The following PRMT8 variants were observed in gnomAD, a reference collection of about 807,000 sequenced individuals.
PRMT8 encodes the protein protein arginine N-methyltransferase 8.
In PRMT8, 7 loss-of-function variants were observed where a neutral mutation model predicts 47.1. The ratio of observed to expected loss-of-function variants is 0.15; its 90% CI spans 0.08 to 0.28. PRMT8 has a LOEUF of 0.28. PRMT8 is among the 10% of genes least tolerant of loss of function. The pLI, the probability that PRMT8 is intolerant of heterozygous loss-of-function variation, is 1.00. For synonymous variants in PRMT8, 188 were observed against 186.5 expected (o/e 1.01, Z -0.07); for missense variants, 237 against 505.4 (o/e 0.47, Z 5.09).
chr12:3,466,442 T>C (rs890422121), intron 1 of PRMT8, among the ~76,000 whole-genome samples: 6 of 152,158 alleles, frequency 3.9e-5, no homozygotes, highest in African/African-American at 1.4e-4. Flanking sequence ...GTTAGTAGTG[T>C]GAATCTGGGC....
chr12:3,568,347 T>TAA (rs34278124), intron 4 of PRMT8, among the ~76,000 whole-genome samples: 10 of 146,678 alleles, frequency 6.8e-5, no homozygotes, highest in African/African-American at 2.5e-4. Flanking sequence ...TTGGTGTAAA[T>TAA]AAAAAAAAAA....
upstream of PRMT8, among the ~76,000 whole-genome samples, chr12:3,489,366 C>T (rs1179280607): frequency 6.6e-6 from 1 of 151,832 alleles, no homozygotes; most frequent in African/African-American, 2.4e-5. Context: ...TGGGTGGGGG[C>T]AGAGTGTCGG....
At chr12:3,474,894 T>G (rs1865195389) in intron 1 of PRMT8, among the ~76,000 whole-genome samples, 2 of 152,212 alleles carry the variant, frequency 1.3e-5, no homozygotes, top group African/African-American at 4.8e-5. Flanking sequence ...ATTTGCTGGA[T>G]GGACAAACAA....
intron 2 of PRMT8, among the ~76,000 whole-genome samples, chr12:3,543,765 C>G (rs1866275761): frequency 6.6e-6 from 1 of 152,194 alleles, no homozygotes; most frequent in African/African-American, 2.4e-5. Flanking sequence ...GAGGAAGACC[C>G]TAGCCTTCCA....
chr12:3,469,230 C>G, intron 1 of PRMT8: 1 of 454,998 alleles, frequency 2.2e-6, no homozygotes, highest in South Asian at 1.7e-5. Context: ...CCAGCAAGGA[C>G]CAAACACCCC....
At chr12:3,404,683 T>C (rs1009497577) in intron 1 of PRMT8, among the ~76,000 whole-genome samples, 1 of 152,234 alleles carries the variant, frequency 6.6e-6, no homozygotes, top group Non-Finnish European at 1.5e-5. Flanking sequence ...GTTGTTCGGT[T>C]CTTCCCTTTC....
chr12:3,432,419 T>C (rs1864691411), intron 1 of PRMT8, among the ~76,000 whole-genome samples: 1 of 152,178 alleles, frequency 6.6e-6, no homozygotes, highest in Admixed American at 6.5e-5. Flanking sequence ...ATGGAAACAC[T>C]TTGAAATAAT....
At chr12:3,553,630 T>A in intron 3 of PRMT8, 21 bp from the exon 4 acceptor site, 1 of 1,586,520 alleles carries the variant, frequency 6.3e-7, no homozygotes, top group Non-Finnish European at 8.7e-7. Context: ...GCCTTGCTCC[T>A]TTGTCCTATG....
chr12:3,505,385 A>C (rs1053248551), intron 1 of PRMT8, among the ~76,000 whole-genome samples: 1 of 152,208 alleles, frequency 6.6e-6, no homozygotes, highest in Admixed American at 6.5e-5. Flanking sequence ...AATAGTTGCA[A>C]GTCCGAGAAA....
chr12:3,424,832 C>T (rs1210133668), intron 1 of PRMT8, among the ~76,000 whole-genome samples: 1 of 152,148 alleles, frequency 6.6e-6, no homozygotes, highest in Non-Finnish European at 1.5e-5. Flanking sequence ...GGGAACAGTC[C>T]TAGATCAGTT....
intron 1 of PRMT8, among the ~76,000 whole-genome samples, chr12:3,459,520 C>T (rs958481167): frequency 2.6e-5 from 4 of 152,202 alleles, no homozygotes; most frequent in African/African-American, 9.7e-5. Flanking sequence ...GATTTTTTCT[C>T]TTACACCATC....
chr12:3,547,828 A>G lies in PRMT8; in HGVS notation c.262-2108A>G, dbSNP rs1240090878. The stretch of plus-strand genomic sequence containing the variant: ...TAAAACTCAAAATTGCTAAAATGTC[A>G]GTTCTCCCCAAATTGATCTATAGAT... On this transcript the variant is annotated intron_variant, in intron 2 of 9. Transcript: ENST00000382622. Among the ~76,000 whole-genome samples, 3 of 152,368 alleles carry G rather than the reference A, an allele frequency of 2.0e-5. No individual in the cohort carries two copies. In the East Asian group the frequency reaches 5.8e-4, roughly 29 times the overall value.
intron 1 of PRMT8, among the ~76,000 whole-genome samples, chr12:3,392,275 T>C (rs1028842218): frequency 2.0e-5 from 3 of 152,036 alleles, no homozygotes; most frequent in Non-Finnish European, 4.4e-5. Context: ...GTTAGTTACA[T>C]ATGTATACAT....
At chr12:3,414,336 G>A (rs867720133) in intron 1 of PRMT8, among the ~76,000 whole-genome samples, 6 of 152,304 alleles carry the variant, frequency 3.9e-5, no homozygotes, top group Admixed American at 1.3e-4. Context: ...CCATCGACAA[G>A]CAAGCCATCC....
rs1236934774 is a variant in PRMT8, at chr12:3,593,401, C to T, written c.*219C>T. The T allele has an allele frequency of 5.6e-6, 3 of 535,526 alleles. No individual in the cohort carries two copies. The highest frequency in any genetic ancestry group is 9.8e-6 in the Non-Finnish European group (3 of 305,160). The allele number at this position is 535,526 out of a possible 1,614,324, so 33.2% of individuals were successfully genotyped here. On this transcript the variant is annotated 3_prime_UTR_variant, in exon 10 of 10. Transcript: ENST00000382622. The surrounding 1 kb of genome is among the most constrained non-coding windows in gnomAD (Gnocchi z 4.8). ...CTGCCCTGGTAGCCCTTCACGAAGG[C>T]TTTGTGTTGCCAACAAAGAGCGACC...
rs1156736625 is a variant in PRMT8 at position 3,564,026 on chromosome 12, CT to C, written c.482-4679del. Among the ~76,000 whole-genome samples the C allele has an allele frequency of 1.3e-5, 2 of 151,974 alleles. No individual in the cohort carries two copies. The highest frequency in any genetic ancestry group is 2.9e-5 in the Non-Finnish European group (2 of 68,010). On this transcript the variant is annotated intron_variant, in intron 4 of 9. Coordinates refer to ENST00000382622, the MANE Select transcript of PRMT8 (RefSeq NM_019854.5). The surrounding 1 kb of genome is among the most constrained non-coding windows in gnomAD (Gnocchi z 4.0). The stretch of plus-strand genomic sequence containing the variant: ...GAGGAGTCAAATGCTCCGCTATATC[CT>C]GGAAATAGGAAGCTAAAATAGACAA...
intron 1 of PRMT8, among the ~76,000 whole-genome samples, chr12:3,385,740 A>G (rs1864132154): frequency 6.6e-6 from 1 of 152,190 alleles, no homozygotes; most frequent in Non-Finnish European, 1.5e-5. Context: ...TTACACTTTT[A>G]CATATTCTAA....
rs56410326 is a variant in PRMT8, at chr12:3,477,297, C to A, written c.49-63309C>A. 9.9e-4 allele frequency among the ~76,000 whole-genome samples: 151 copies of A among 152,310 alleles called. 1 individual carries two copies. Among genetic ancestry groups the A allele is most frequent in the African/African-American group, 3.6e-3 (149 of 41,568 alleles). The stretch of plus-strand genomic sequence containing the variant: ...TATTCACTTAACGAGTGTGTAGGCA[C>A]CTTCTAAGTGCTCCGCACTGGACTG... On this transcript the variant is annotated intron_variant, in intron 1 of 9. Coordinates refer to the PRMT8 transcript ENST00000452611.
rs139790986 is a variant in PRMT8 at position 3,420,958 on chromosome 12, C to T, written c.48+39516C>T. Among the ~76,000 whole-genome samples, 506 of 152,328 alleles carry T rather than the reference C, an allele frequency of 3.3e-3. 1 individual carries two copies. Among genetic ancestry groups the T allele is most frequent in the Non-Finnish European group, 5.9e-3 (403 of 68,034 alleles). On this transcript the variant is annotated intron_variant, in intron 1 of 9. Transcript: ENST00000452611. ...GGGACGGGGAGCACAGCATCTACTG[C>T]ATGTTTTCAGTCGAGCTGGAACCTG...
Sources: gnomAD v4.1 joint callset for allele counts (sites outside exome capture counted in the v4.1 genomes callset) on GRCh38, gnomAD v4.1.1 for gene constraint, Gnocchi (gnomAD v3.1) non-coding constraint, MANE v1.5 for transcripts, NCBI Gene and HGNC (gene_info 2026-07-23, HGNC 2026-07-21) for gene names.